SLC39A11: variants seen among roughly 807,000 people sequenced by gnomAD.
The protein encoded by SLC39A11 is solute carrier family 39 member 11.
SLC39A11 carries 33 observed loss-of-function variants against 36.1 expected under a neutral mutation model. The observed-to-expected ratio is 0.91, with a 90% CI of 0.69 to 1.22. The LOEUF is 1.22. SLC39A11 is among the 50% of genes most tolerant of loss of function. The pLI is 0.00. For missense variants in SLC39A11, 432 were observed against 430.3 expected, an observed-to-expected ratio of 1.00 and a Z score of -0.03; for synonymous variants, 166 against 170.3, an observed-to-expected ratio of 0.97 and a Z score of 0.20.
At chr17:72,733,985 G>T (rs894469310) in intron 7 of SLC39A11, among the ~76,000 whole-genome samples, 5 of 152,124 alleles carry the variant, frequency 3.3e-5, no homozygotes, top group Non-Finnish European at 7.4e-5. Flanking sequence ...CACAACACTG[G>T]CCCCGACCTG....
intron 6 of SLC39A11, among the ~76,000 whole-genome samples, chr17:72,737,876 G>T (rs2074499450): frequency 6.6e-6 from 1 of 152,144 alleles, no homozygotes; most frequent in African/African-American, 2.4e-5. Flanking sequence ...TCTGGGGCTG[G>T]GAAAGAGTCT....
At chr17:72,785,858 C>G (rs773449068) in intron 6 of SLC39A11, among the ~76,000 whole-genome samples, 3 of 152,176 alleles carry the variant, frequency 2.0e-5, no homozygotes, top group Non-Finnish European at 4.4e-5. Flanking sequence ...ATGCTAAATG[C>G]ATTTCACATA....
intron 3 of SLC39A11, among the ~76,000 whole-genome samples, chr17:73,066,654 C>T (rs1323848907): frequency 1.3e-5 from 2 of 152,184 alleles, no homozygotes; most frequent in Non-Finnish European, 2.9e-5. Flanking sequence ...GATGAGCACA[C>T]ATCCTGCTCA....
At chr17:72,900,161 GAA>G (rs762054119) in intron 5 of SLC39A11, among the ~76,000 whole-genome samples, 2 of 53,958 alleles carry the variant, frequency 3.7e-5, no homozygotes, top group African/African-American at 1.1e-4. Context: ...AGAAAAGAAA[GAA>G]AGAAAGAAAG....
intron 6 of SLC39A11, chr17:72,838,265 G>A (rs2078657773): frequency 3.0e-6 from 1 of 338,272 alleles, no homozygotes; most frequent in East Asian, 4.1e-5. Context: ...GTCTTGCTCT[G>A]TCACCTTGGC....
chr17:72,890,390 G>A (rs552927578), intron 5 of SLC39A11, among the ~76,000 whole-genome samples: 15 of 152,254 alleles, frequency 9.9e-5, no homozygotes, highest in African/African-American at 3.6e-4. Context: ...ATAGTAGGAA[G>A]GGATTCAAGA....
chr17:72,913,947 C>A (rs1403029781), intron 5 of SLC39A11, among the ~76,000 whole-genome samples: 1 of 151,592 alleles, frequency 6.6e-6, no homozygotes, highest in Non-Finnish European at 1.5e-5. Context: ...AAGAAATCCA[C>A]ATACAGTTGG....
intron 6 of SLC39A11, among the ~76,000 whole-genome samples, chr17:72,832,031 A>G (rs1367018343): frequency 6.6e-6 from 1 of 152,240 alleles, no homozygotes; most frequent in Non-Finnish European, 1.5e-5. Flanking sequence ...GCTCTAGTAA[A>G]CTGCAAGATG....
rs555945298 is a variant in SLC39A11, at chr17:72,713,514, G to A, written c.671+23136C>T. 5.3e-5 allele frequency among the ~76,000 whole-genome samples: 8 copies of A among 152,264 alleles called. No homozygotes were observed. In the East Asian group the frequency reaches 1.2e-3, roughly 22 times the overall value. On this transcript the variant is annotated intron_variant, in intron 7 of 9. Coordinates refer to ENST00000255559, the MANE Select transcript of SLC39A11 (RefSeq NM_139177.4). ...CTGCCAGGTCAACAGAGTGAAACCC[G>A]AAGGGTTCTCATACATTGCCCTTAA...
In SLC39A11 at chr17:72,657,711, G is replaced by A. The variant is rs546902678; in HGVS notation, c.672-8443C>T. On this transcript the variant is annotated intron_variant, in intron 7 of 9. Transcript: ENST00000255559. ...TGTGAGTTGGTCACCCTCAGAAGTA[G>A]TCAGAAACAGGGTAGGTGGCAGAGG... Among the ~76,000 whole-genome samples the A allele has an allele frequency of 2.6e-5, 4 of 152,340 alleles. No homozygotes were observed. In the South Asian group the frequency reaches 8.3e-4, roughly 32 times the overall value.
chr17:73,066,492 A>G (rs953949705), intron 3 of SLC39A11, among the ~76,000 whole-genome samples: 1 of 152,186 alleles, frequency 6.6e-6, no homozygotes, highest in Non-Finnish European at 1.5e-5. Context: ...AAACACCTTA[A>G]TTTGCTTTTG....
At chr17:72,894,030 G>A (rs1159980980) in intron 5 of SLC39A11, among the ~76,000 whole-genome samples, 1 of 152,066 alleles carries the variant, frequency 6.6e-6, no homozygotes, top group African/African-American at 2.4e-5. Flanking sequence ...AACTGATAAA[G>A]TTCAATGCAA....
intron 6 of SLC39A11, among the ~76,000 whole-genome samples, chr17:72,832,055 A>G (rs1159418476): frequency 6.6e-6 from 1 of 152,222 alleles, no homozygotes; most frequent in Admixed American, 6.5e-5. Flanking sequence ...GCATATGACA[A>G]ACCTTGGTAC....
At chr17:73,081,332 G>A (rs2060502665) in intron 3 of SLC39A11, among the ~76,000 whole-genome samples, 1 of 152,130 alleles carries the variant, frequency 6.6e-6, no homozygotes, top group Non-Finnish European at 1.5e-5. Flanking sequence ...AGCTGTTGGT[G>A]TGGATGTGGT....
chr17:72,987,721 A>G (rs1179133919), intron 4 of SLC39A11, among the ~76,000 whole-genome samples: 1 of 152,130 alleles, frequency 6.6e-6, no homozygotes, highest in East Asian at 1.9e-4. Flanking sequence ...CTTCCACACC[A>G]AGTCTTTCTC....
intron 8 of SLC39A11, 51 bp from the exon 9 acceptor site, chr17:72,649,012 C>T (rs1482731206): frequency 1.9e-6 from 3 of 1,583,162 alleles, no homozygotes; most frequent in Non-Finnish European, 2.6e-6. Flanking sequence ...CAAGCAGACA[C>T]TCCACGTGCC....
intron 5 of SLC39A11, among the ~76,000 whole-genome samples, chr17:72,861,657 T>TTATAGATATATATATATA (rs1555605274): frequency 1.4e-4 from 7 of 50,952 alleles, no homozygotes; most frequent in Middle Eastern, 0.011. Flanking sequence ...ATACAACACA[T>TTATAGATATATATATATA]TATATATATA....
At chr17:72,687,307 G>A (rs925279435) in intron 7 of SLC39A11, among the ~76,000 whole-genome samples, 4 of 152,164 alleles carry the variant, frequency 2.6e-5, no homozygotes, top group African/African-American at 9.7e-5. Flanking sequence ...CCAGGCTGGA[G>A]TGCGATGGTG....
chr17:72,674,498 G>T (rs1229519963), intron 7 of SLC39A11, among the ~76,000 whole-genome samples: 4 of 152,168 alleles, frequency 2.6e-5, no homozygotes, highest in Non-Finnish European at 4.4e-5. Context: ...TGTTGTAATG[G>T]ATTACCTTGT....
Sources: gnomAD v4.1 joint callset for allele counts (sites outside exome capture counted in the v4.1 genomes callset) on GRCh38, gnomAD v4.1.1 for gene constraint, MANE v1.5 for transcripts, NCBI Gene and HGNC (gene_info 2026-07-23, HGNC 2026-07-21) for gene names.